The following MCF2 variants were observed in gnomAD, a reference collection of about 807,000 sequenced individuals.
MCF2 encodes proto-oncogene DBL.
Under a neutral mutation model 82.5 loss-of-function variants are expected in MCF2, and 44 were observed. That is an observed-to-expected ratio of 0.53 (90% CI 0.42 to 0.69). MCF2 has a LOEUF of 0.69. MCF2 is among the 30% of genes least tolerant of loss of function. The pLI is 0.00. For synonymous variants in MCF2, 217 were observed against 224.9 expected, an observed-to-expected ratio of 0.96 and a Z score of 0.32; for missense variants, 623 against 663.1, an observed-to-expected ratio of 0.94 and a Z score of 0.66.
At chrX:139,640,156 T>A (rs1051174133) in intron 1 of MCF2, among the ~76,000 whole-genome samples, 1 of 111,896 alleles carries the variant, frequency 8.9e-6, no homozygotes, top group African/African-American at 3.3e-5. Context: ...TTGACCTTGA[T>A]GTTTCCAAAA....
intron 23 of MCF2, 36 bp from the exon 28 acceptor site, chrX:139,585,214 T>C (rs1928844756): frequency 9.1e-6 from 8 of 878,214 alleles, no homozygotes; most frequent in Non-Finnish European, 1.3e-5. Flanking sequence ...AGTTACTTCA[T>C]GGTGCTAATT....
chrX:139,595,659 G>A (rs1181829539), intron 19 of MCF2, among the ~76,000 whole-genome samples: 1 of 106,705 alleles, frequency 9.4e-6, no homozygotes, highest in Non-Finnish European at 1.9e-5. Context: ...GCACACCAGC[G>A]TGGCACATGT....
At chrX:139,624,990 G>A (rs1007307454) in intron 6 of MCF2, among the ~76,000 whole-genome samples, 1 of 111,317 alleles carries the variant, frequency 9.0e-6, no homozygotes, top group Non-Finnish European at 1.9e-5. Flanking sequence ...TTGTCATTAA[G>A]TTAATCTGGG....
intron 1 of MCF2, among the ~76,000 whole-genome samples, chrX:139,680,513 G>C (rs778685680): frequency 1.8e-4 from 20 of 112,031 alleles, no homozygotes; most frequent in Non-Finnish European, 2.8e-4. Context: ...CAGTGTAAAC[G>C]AGTAGGGGCA....
intron 1 of MCF2, among the ~76,000 whole-genome samples, chrX:139,654,920 T>C (rs1934146724): frequency 8.9e-6 from 1 of 112,198 alleles, no homozygotes; most frequent in Admixed American, 9.5e-5. Flanking sequence ...CATTGTAGAT[T>C]CTTATCACTT....
chrX:139,598,873 G>C (rs1369547675), intron 16 of MCF2, among the ~76,000 whole-genome samples: 1 of 111,111 alleles, frequency 9.0e-6, no homozygotes, highest in African/African-American at 3.3e-5. Flanking sequence ...ACAAGCCAAG[G>C]CTCAGAAAAG....
chrX:139,594,447 A>C (rs1491004406), intron 19 of MCF2, among the ~76,000 whole-genome samples: 6 of 110,221 alleles, frequency 5.4e-5, no homozygotes, highest in Non-Finnish European at 1.1e-4. Flanking sequence ...CTGATCTTTG[A>C]CAAACCTGAC....
intron 1 of MCF2, among the ~76,000 whole-genome samples, chrX:139,640,486 C>G (rs1933500018): frequency 9.0e-6 from 1 of 111,627 alleles, no homozygotes; most frequent in African/African-American, 3.3e-5. Context: ...AATACTCCTT[C>G]CTTGTGGTTT....
intron 19 of MCF2, among the ~76,000 whole-genome samples, chrX:139,592,310 C>A (rs1929588277): frequency 8.9e-6 from 1 of 111,754 alleles, no homozygotes; most frequent in Non-Finnish European, 1.9e-5. Context: ...TTTCTTGAAT[C>A]TATCCCACCT....
intron 1 of MCF2, among the ~76,000 whole-genome samples, chrX:139,686,011 CAT>C (rs1469358758): frequency 9.1e-6 from 1 of 109,400 alleles, no homozygotes; most frequent in Non-Finnish European, 1.9e-5. Flanking sequence ...ACAAAAACCA[CAT>C]GATTATCTCA....
At chrX:139,608,608 C>T (rs1376417050) in intron 11 of MCF2, among the ~76,000 whole-genome samples, 1 of 111,302 alleles carries the variant, frequency 9.0e-6, no homozygotes, top group Admixed American at 9.6e-5. Flanking sequence ...TTTGGGACAA[C>T]TAGAACCCAA....
chrX:139,657,351 T>A (rs1047859745), intron 1 of MCF2, among the ~76,000 whole-genome samples: 1 of 112,184 alleles, frequency 8.9e-6, no homozygotes, highest in Non-Finnish European at 1.9e-5. Context: ...TTCTAAAATG[T>A]GTGGAAATAA....
chrX:139,639,715 T>A (rs1266016282), intron 1 of MCF2, among the ~76,000 whole-genome samples: 1 of 112,183 alleles, frequency 8.9e-6, no homozygotes, highest in African/African-American at 3.2e-5. Flanking sequence ...CTCTTGTGTG[T>A]GCTCTCTAAG....
rs761783088 is a variant in MCF2 at position 139,691,602 on chromosome X, T to C, written c.-45+16504A>G. 3.4e-3 allele frequency among the ~76,000 whole-genome samples: 378 copies of C among 110,565 alleles called. 5 individuals carry two copies. Among genetic ancestry groups the C allele is most frequent in the African/African-American group, 0.012 (355 of 30,362 alleles). ...GGTCCTCCTGCGGGACCAGAGCTCCTGATCTCACCTCCTGCGAGCTGAGAC... is the reference window on the plus strand; with the variant it reads ...GGTCCTCCTGCGGGACCAGAGCTCCCGATCTCACCTCCTGCGAGCTGAGAC... On this transcript the variant is annotated intron_variant, in intron 1 of 27. Coordinates refer to the MCF2 transcript ENST00000414978.
At chrX:139,597,999 G>T (rs1229400430) in intron 17 of MCF2, among the ~76,000 whole-genome samples, 5 of 111,743 alleles carry the variant, frequency 4.5e-5, no homozygotes, top group African/African-American at 1.6e-4. Context: ...CTTAACACAA[G>T]ATTCTAGCAA....
chrX:139,608,001 GTA>G (rs71826092), intron 11 of MCF2, among the ~76,000 whole-genome samples: 1,295 of 111,440 alleles, frequency 0.012, 20 homozygotes, highest in African/African-American at 0.04. Flanking sequence ...CTTATTTTAT[GTA>G]TTAACTCTTT....
chrX:139,659,594 A>G (rs1934301452), intron 1 of MCF2, among the ~76,000 whole-genome samples: 2 of 111,792 alleles, frequency 1.8e-5, no homozygotes, highest in South Asian at 7.5e-4. Context: ...TTCTATTCAT[A>G]TACAATAGAA....
At chrX:139,653,548 T>C (rs4824959) in intron 1 of MCF2, among the ~76,000 whole-genome samples, 27,213 of 110,153 alleles carry the variant, frequency 0.25, 2,833 homozygotes, top group African/African-American at 0.39. Flanking sequence ...ACTCATGTAA[T>C]GAGAGAGGCC....
At chrX:139,684,023 A>G (rs1233937560) in intron 1 of MCF2, among the ~76,000 whole-genome samples, 1 of 112,827 alleles carries the variant, frequency 8.9e-6, no homozygotes, top group Non-Finnish European at 1.9e-5. Context: ...CAAGGAAACC[A>G]TGAAGTACGT....
Sources: gnomAD v4.1 joint callset for allele counts (sites outside exome capture counted in the v4.1 genomes callset) on GRCh38, gnomAD v4.1.1 for gene constraint, MANE v1.5 for transcripts, NCBI Gene and HGNC (gene_info 2026-07-23, HGNC 2026-07-21) for gene names.